The following ASTN1 variants were observed in gnomAD, a reference collection of about 807,000 sequenced individuals.
ASTN1 encodes the protein astrotactin-1.
Under a neutral mutation model 140.7 loss-of-function variants are expected in ASTN1, and 41 were observed. The ratio of observed to expected loss-of-function variants is 0.29; its 90% CI spans 0.23 to 0.38. ASTN1 has a LOEUF of 0.38. Ranked by LOEUF, ASTN1 falls within the 10% of genes least tolerant of loss-of-function variation. ASTN1 has a pLI of 1.00. For synonymous variants in ASTN1, 640 were observed against 652.2 expected (o/e 0.98, Z 0.29); for missense variants, 1,479 against 1,678.8 (o/e 0.88, Z 2.08).
At chr1:177,138,345 G>A (rs987288047) in intron 1 of ASTN1, among the ~76,000 whole-genome samples, 2 of 152,212 alleles carry the variant, frequency 1.3e-5, no homozygotes, top group South Asian at 4.1e-4. Context: ...CTGCTGGTTG[G>A]GATAATACAC....
chr1:177,078,356 TG>T (rs1360585475), intron 1 of ASTN1, among the ~76,000 whole-genome samples: 1 of 152,128 alleles, frequency 6.6e-6, no homozygotes, highest in East Asian at 1.9e-4. Context: ...TTGAGCAACT[TG>T]GGCAAGTCAC....
intron 2 of ASTN1, among the ~76,000 whole-genome samples, chr1:177,043,836 A>T (rs1677086515): frequency 6.6e-6 from 1 of 152,208 alleles, no homozygotes; most frequent in Non-Finnish European, 1.5e-5. Flanking sequence ...TTTGTCTGGC[A>T]TCATACAGGG....
At chr1:176,887,959 T>C in intron 18 of ASTN1, 112 bp downstream of exon 18, 2 of 1,433,544 alleles carry the variant, frequency 1.4e-6, no homozygotes, top group Non-Finnish European at 1.9e-6. Flanking sequence ...TAAAGGCAGG[T>C]ATTGTGTCAT....
chr1:177,051,041 A>G (rs1677516664), intron 2 of ASTN1, among the ~76,000 whole-genome samples: 2 of 152,214 alleles, frequency 1.3e-5, no homozygotes, highest in South Asian at 4.1e-4. Flanking sequence ...TTTCATTAAC[A>G]TCTGTCTTTG....
chr1:177,146,693 T>C (rs986279385), intron 1 of ASTN1, among the ~76,000 whole-genome samples: 21 of 152,226 alleles, frequency 1.4e-4, no homozygotes, highest in African/African-American at 5.1e-4. Flanking sequence ...ATGTTAATTT[T>C]TCTCTTGAAA....
At position 177,030,917 on chromosome 1, in the gene ASTN1, A is replaced by C. The variant is rs752378227; in HGVS notation, c.901T>G (p.Tyr301Asp). 6.2e-7 allele frequency: 1 copy of C among 1,613,996 alleles called. No individual in the cohort carries two copies. Among genetic ancestry groups the C allele is most frequent in the Non-Finnish European group, 8.5e-7 (1 of 1,179,944 alleles). The change falls in exon 4 of 23, where the codon TAT (tyrosine) becomes GAT (aspartate). Residue 301 changes from tyrosine (Y) to aspartate (D), a missense_variant. Around this residue, in one of 3 missense-constraint regions of ASTN1, gnomAD observed 729 missense variants for 860.4 expected, o/e 0.85. Transcript: ENST00000361833. ...DNAKLSLMNK[Y>D]KDNIIATSPV... ...CTAGTGGCTATAATATTATCTTTAT[A>C]CTTGTTCATCAGTGACAGCTTGGCA... is the stretch of plus-strand genomic sequence containing the variant.
intron 2 of ASTN1, among the ~76,000 whole-genome samples, chr1:177,036,950 G>A (rs1241880420): frequency 6.6e-6 from 1 of 151,994 alleles, no homozygotes; most frequent in African/African-American, 2.4e-5. Flanking sequence ...CTCCCAAGTA[G>A]CTGGGATTAC....
At chr1:177,152,171 G>A (rs1287196765) in intron 1 of ASTN1, among the ~76,000 whole-genome samples, 2 of 152,072 alleles carry the variant, frequency 1.3e-5, no homozygotes, top group Non-Finnish European at 2.9e-5. Flanking sequence ...CATCAGTCAG[G>A]ACCACAGAAA....
At chr1:176,968,563 T>C (rs1334155584) in intron 8 of ASTN1, among the ~76,000 whole-genome samples, 1 of 152,138 alleles carries the variant, frequency 6.6e-6, no homozygotes, top group Non-Finnish European at 1.5e-5. Flanking sequence ...GGGAAGTGCA[T>C]ATTGTGAAAT....
At chr1:176,868,812 CT>C (rs771985017) in intron 22 of ASTN1, 31 bp downstream of exon 22, 1 of 1,558,998 alleles carries the variant, frequency 6.4e-7, no homozygotes, top group Non-Finnish European at 8.7e-7. Flanking sequence ...TTCAAGAAGT[CT>C]TTAAAAGGGT....
At chr1:177,091,358 G>T (rs1312421974) in intron 1 of ASTN1, among the ~76,000 whole-genome samples, 1 of 152,062 alleles carries the variant, frequency 6.6e-6, no homozygotes, top group African/African-American at 2.4e-5. Flanking sequence ...TGTTATTAGT[G>T]GTTTTTCTTG....
At position 176,973,900 on chromosome 1, in the gene ASTN1, G is replaced by T. The variant is rs138543354; in HGVS notation, c.1524-8663C>A. Reference sequence around the variant, plus strand: ...GAAGGGCCCTCCATGGAAGTTACCAGTGCAAACTCCCCTTTGCTCCTATGT... The same window carrying T: ...GAAGGGCCCTCCATGGAAGTTACCATTGCAAACTCCCCTTTGCTCCTATGT... On this transcript the variant is annotated intron_variant, in intron 8 of 22. Coordinates refer to ENST00000361833, the MANE Select transcript of ASTN1 (RefSeq NM_004319.3). 1.7e-4 allele frequency among the ~76,000 whole-genome samples: 26 copies of T among 152,298 alleles called. No individual in the cohort carries two copies. In the East Asian group the frequency reaches 5.0e-3, roughly 29 times the overall value.
intron 1 of ASTN1, among the ~76,000 whole-genome samples, chr1:177,099,340 T>C (rs191937944): frequency 8.5e-4 from 130 of 152,260 alleles, no homozygotes; most frequent in African/African-American, 2.9e-3. Context: ...TATTTTATGA[T>C]CTGTACAGGC....
intron 16 of ASTN1, among the ~76,000 whole-genome samples, chr1:176,895,640 G>C (rs1669471044): frequency 6.6e-6 from 1 of 152,208 alleles, no homozygotes; most frequent in Admixed American, 6.5e-5. Flanking sequence ...AATTTTGTTT[G>C]TTGAGTAAAG....
chr1:176,879,670 C>T (rs540431189), intron 20 of ASTN1, among the ~76,000 whole-genome samples: 1 of 152,294 alleles, frequency 6.6e-6, no homozygotes, highest in East Asian at 1.9e-4. Flanking sequence ...AAATACCTGT[C>T]CTCACATTAA....
intron 1 of ASTN1, among the ~76,000 whole-genome samples, chr1:177,070,757 G>C (rs1678596411): frequency 6.6e-6 from 1 of 152,076 alleles, no homozygotes; most frequent in South Asian, 2.1e-4. Flanking sequence ...AGAATGGTAG[G>C]GGTGGGAGTG....
At chr1:177,010,830 T>C (rs1040276322) in intron 8 of ASTN1, among the ~76,000 whole-genome samples, 1 of 152,234 alleles carries the variant, frequency 6.6e-6, no homozygotes, top group East Asian at 1.9e-4. Flanking sequence ...TTTAGGAATA[T>C]GTTTTACTGA....
intron 16 of ASTN1, among the ~76,000 whole-genome samples, chr1:176,927,592 T>C (rs1348507077): frequency 6.6e-6 from 1 of 152,258 alleles, no homozygotes; most frequent in Non-Finnish European, 1.5e-5. Flanking sequence ...ATCTTTTTAC[T>C]GGCTTCTTCT....
Position 176,882,900 on chromosome 1 carries a change from G to C in ASTN1, c.3321C>G (p.Ile1107Met), listed in dbSNP as rs756350574. The change falls in exon 20 of 23, where the codon ATC (isoleucine) becomes ATG (methionine). Residue 1107 changes from isoleucine to methionine, a missense_variant. Coordinates refer to ENST00000361833, the MANE Select transcript of ASTN1 (RefSeq NM_004319.3). ...GTTCCAGGCATCGTATGATCAGAGA[G>C]ATGGTGGTGAGCTGCTTGTCCGGCA... is the stretch of plus-strand genomic sequence containing the variant. Reference protein sequence around the residue: ...SQVPDKQLTTISLIIRCLEPD... With the variant: ...SQVPDKQLTTMSLIIRCLEPD... The C allele has an allele frequency of 1.2e-6, 2 of 1,614,054 alleles. No individual in the cohort carries two copies. The highest frequency in any genetic ancestry group is 4.5e-5 in the East Asian group (2 of 44,888).
Sources: gnomAD v4.1 joint callset for allele counts (sites outside exome capture counted in the v4.1 genomes callset) on GRCh38, gnomAD v4.1.1 for gene constraint, gnomAD v4.1.1 regional missense constraint, MANE v1.5 for transcripts, NCBI Gene and HGNC (gene_info 2026-07-23, HGNC 2026-07-21) for gene names.